GLT1D1: variants seen among roughly 807,000 people sequenced by gnomAD.
GLT1D1 encodes glycosyltransferase 1 domain-containing protein 1.
Under a neutral mutation model 28.7 loss-of-function variants are expected in GLT1D1, and 21 were observed. The ratio of observed to expected loss-of-function variants is 0.73; its 90% confidence interval spans 0.52 to 1.05. GLT1D1 has a LOEUF of 1.05. GLT1D1 is among the 50% of genes least tolerant of loss of function. GLT1D1 has a pLI of 0.00. For synonymous variants in GLT1D1, 147 were observed against 124.8 expected, an observed-to-expected ratio of 1.18 and a Z score of -1.19; for missense variants, 343 against 330.6, an observed-to-expected ratio of 1.04 and a Z score of -0.29.
At position 128,882,367 on chromosome 12, in the gene GLT1D1, C is replaced by T. The variant is rs149792429; in HGVS notation, c.218-6272C>T. The stretch of plus-strand genomic sequence containing the variant: ...ATCTTGGCTCACTGAACCTCCACCT[C>T]CCGGGTTCAAGCAGTTCTCCTGTCT... On this transcript the variant is annotated intron_variant, in intron 2 of 7. Coordinates refer to ENST00000281703, the MANE Select transcript of GLT1D1 (RefSeq NM_144669.3). Among the ~76,000 whole-genome samples, 510 of 151,118 alleles carry T rather than the reference C, an allele frequency of 3.4e-3. 6 individuals are homozygous for T. The highest frequency in any genetic ancestry group is 0.012 in the African/African-American group (483 of 41,204).
At position 128,983,984 on chromosome 12, in the gene GLT1D1, G is replaced by C. The variant is rs1193351023; in HGVS notation, c.*894G>C. 1 of 152,296 alleles carries C rather than the reference G, an allele frequency of 6.6e-6. No homozygotes were observed. Among genetic ancestry groups the C allele is most frequent in the Non-Finnish European group, 1.5e-5 (1 of 68,082 alleles). The allele number at this position is 152,296 out of a possible 1,614,324, so 9.4% of individuals were successfully genotyped here. On this transcript the variant is annotated 3_prime_UTR_variant, in exon 8 of 8. Transcript: ENST00000281703. The surrounding 1 kb of genome is among the most constrained non-coding windows in gnomAD (Gnocchi z 4.7). The stretch of plus-strand genomic sequence containing the variant: ...GGGCCAGCCGCGCCATCATGGTAAT[G>C]GTGGCCTCGCCCCATCCATGTCATC...
intron 4 of GLT1D1, among the ~76,000 whole-genome samples, chr12:128,936,342 G>C (rs534491275): frequency 6.6e-6 from 1 of 152,162 alleles, no homozygotes; most frequent in Admixed American, 6.5e-5. Flanking sequence ...TTTTAGTAGA[G>C]ATGGGGTTTC....
At chr12:128,875,821 C>T in intron 1 of GLT1D1, 93 bp from the exon 2 acceptor site, 2 of 1,150,658 alleles carry the variant, frequency 1.7e-6, no homozygotes, top group South Asian at 3.1e-5. Context: ...ACAACAACAA[C>T]CAAAAAAAAA....
intron 7 of GLT1D1, among the ~76,000 whole-genome samples, chr12:128,959,195 T>C (rs1877637016): frequency 6.6e-6 from 1 of 151,680 alleles, no homozygotes; most frequent in Non-Finnish European, 1.5e-5. Flanking sequence ...TTAAAGCACA[T>C]ATGATATTCC....
chr12:128,873,394 G>A (rs1956748460), intron 1 of GLT1D1, among the ~76,000 whole-genome samples: 1 of 152,162 alleles, frequency 6.6e-6, no homozygotes. Flanking sequence ...ACATGATTAG[G>A]TCCATCTACC....
At chr12:128,866,499 C>T (rs1395164036) in intron 1 of GLT1D1, among the ~76,000 whole-genome samples, 1 of 151,332 alleles carries the variant, frequency 6.6e-6, no homozygotes, top group East Asian at 1.9e-4. Context: ...CCCCACCAAG[C>T]CCCCCAACAG....
At chr12:128,959,206 A>C (rs9943737) in intron 7 of GLT1D1, among the ~76,000 whole-genome samples, 1 of 151,374 alleles carries the variant, frequency 6.6e-6, no homozygotes. Flanking sequence ...ATGATATTCC[A>C]AAATCCAGAA....
At chr12:128,962,487 G>C (rs1243661162) in intron 7 of GLT1D1, among the ~76,000 whole-genome samples, 1 of 152,172 alleles carries the variant, frequency 6.6e-6, no homozygotes, top group Non-Finnish European at 1.5e-5. Flanking sequence ...GGAGGGAGTA[G>C]AACACAGTGT....
intron 4 of GLT1D1, among the ~76,000 whole-genome samples, chr12:128,908,821 C>T (rs1043518585): frequency 5.3e-5 from 8 of 152,022 alleles, no homozygotes; most frequent in Non-Finnish European, 1.2e-4. Context: ...TGGTGACGGG[C>T]GCCTGTAGTC....
At chr12:128,921,722 G>A (rs1872674661) in intron 4 of GLT1D1, among the ~76,000 whole-genome samples, 1 of 152,006 alleles carries the variant, frequency 6.6e-6, no homozygotes, top group Non-Finnish European at 1.5e-5. Context: ...CGTCTTCAGA[G>A]CCTCGAGTTC....
chr12:128,942,189 G>A (rs887794027), intron 4 of GLT1D1, among the ~76,000 whole-genome samples: 1 of 151,840 alleles, frequency 6.6e-6, no homozygotes. Context: ...AGCAGGCCCT[G>A]TGAAGGACCA....
chr12:128,893,863 G>T (rs139716117), intron 3 of GLT1D1, among the ~76,000 whole-genome samples: 3 of 152,128 alleles, frequency 2.0e-5, no homozygotes, highest in Non-Finnish European at 4.4e-5. Flanking sequence ...GGGATTACAG[G>T]TGTGAGCCAT....
At chr12:128,855,966 G>A (rs1374147895) in intron 1 of GLT1D1, among the ~76,000 whole-genome samples, 1 of 152,004 alleles carries the variant, frequency 6.6e-6, no homozygotes, top group Non-Finnish European at 1.5e-5. Flanking sequence ...TGGCCAGGCT[G>A]GTCTCGAACT....
intron 2 of GLT1D1, among the ~76,000 whole-genome samples, chr12:128,877,987 C>A (rs185054649): frequency 6.6e-6 from 1 of 152,336 alleles, no homozygotes; most frequent in African/African-American, 2.4e-5. Flanking sequence ...TGAGTGTCCT[C>A]ACGATGTGAT....
rs563954642 is a variant in GLT1D1 at position 128,859,413 on chromosome 12, G to A, written c.68+5764G>A. On this transcript the variant is annotated intron_variant, in intron 1 of 7. Coordinates refer to ENST00000281703, the MANE Select transcript of GLT1D1 (RefSeq NM_144669.3). ...GAGCATGGGGCACAGAGGATGTGCC[G>A]AGGAGGGGGAGCCATTTTGCCCCCA... 4.6e-5 allele frequency among the ~76,000 whole-genome samples: 7 copies of A among 152,294 alleles called. No individual in the cohort carries two copies. The East Asian group carries it at 7.7e-4, about 17-fold the overall frequency.
At chr12:128,875,413 T>C (rs964735544) in intron 1 of GLT1D1, among the ~76,000 whole-genome samples, 1 of 152,196 alleles carries the variant, frequency 6.6e-6, no homozygotes, top group African/African-American at 2.4e-5. Flanking sequence ...GCTAATGTCA[T>C]TGATTCTAGG....
intron 1 of GLT1D1, among the ~76,000 whole-genome samples, chr12:128,875,303 C>T (rs1956845415): frequency 1.3e-5 from 2 of 152,144 alleles, no homozygotes; most frequent in South Asian, 4.1e-4. Context: ...GCAGTGTGTG[C>T]CCCATGTCTG....
intron 7 of GLT1D1, among the ~76,000 whole-genome samples, chr12:128,969,101 C>A (rs1396650333): frequency 6.6e-6 from 1 of 151,778 alleles, no homozygotes; most frequent in Non-Finnish European, 1.5e-5. Flanking sequence ...TCCTCTCTGT[C>A]TGTGTCTCTC....
intron 5 of GLT1D1, 57 bp from the exon 10 acceptor site, chr12:128,947,281 G>A (rs771379778): frequency 6.2e-6 from 10 of 1,609,510 alleles, no homozygotes; most frequent in South Asian, 5.5e-5. Flanking sequence ...CCTCCTCCCA[G>A]CTGCCTACCC....
Sources: allele counts gnomAD v4.1 joint callset (sites outside exome capture counted in the v4.1 genomes callset), GRCh38; gene constraint gnomAD v4.1.1; non-coding constraint Gnocchi (gnomAD v3.1); transcripts MANE v1.5; gene names NCBI Gene and HGNC (gene_info 2026-07-23, HGNC 2026-07-21).